The following KCNMA1 variants were observed in gnomAD, a reference collection of about 807,000 sequenced individuals.
The protein encoded by KCNMA1 is Calcium-activated potassium channel subunit alpha-1.
KCNMA1 carries 29 observed loss-of-function variants against 140.0 expected under a neutral mutation model. That is an observed-to-expected ratio of 0.21 (90% CI 0.15 to 0.28). The LOEUF (loss-of-function observed/expected upper bound fraction) is 0.28. KCNMA1 is among the 10% of genes least tolerant of loss of function. The pLI, the probability that KCNMA1 is intolerant of heterozygous loss-of-function variation, is 1.00. For synonymous variants in KCNMA1, 612 were observed against 611.9 expected, an observed-to-expected ratio of 1.00 and a Z score of 0.00; for missense variants, 880 against 1,602.2, an observed-to-expected ratio of 0.55 and a Z score of 7.70.
At chr10:77,183,386 A>T in intron 5 of KCNMA1, 35 bp downstream of exon 5, 1 of 1,415,894 alleles carries the variant, frequency 7.1e-7, no homozygotes, top group African/African-American at 1.4e-5. Context: ...ATGACTCAGG[A>T]ACCAGGAAGG....
At chr10:76,923,362 G>C (rs1357959798) in intron 23 of KCNMA1, among the ~76,000 whole-genome samples, 3 of 151,316 alleles carry the variant, frequency 2.0e-5, no homozygotes, top group Non-Finnish European at 4.4e-5. Flanking sequence ...CCGGGAGGCA[G>C]AGCTTGCAGT....
At chr10:77,251,140 A>T in intron 3 of KCNMA1, 55 bp downstream of exon 3, 1 of 1,363,128 alleles carries the variant, frequency 7.3e-7, no homozygotes, top group Non-Finnish European at 1.1e-6. Context: ...GGATCAATGT[A>T]AAGGCTCATG....
chr10:77,462,906 T>C (rs1388564376), intron 1 of KCNMA1, among the ~76,000 whole-genome samples: 3 of 152,160 alleles, frequency 2.0e-5, no homozygotes, highest in Non-Finnish European at 4.4e-5. Context: ...AGCATCTTGC[T>C]GGCCTCTTGG....
chr10:77,044,024 A>T (rs1330979518), intron 14 of KCNMA1, among the ~76,000 whole-genome samples: 2 of 152,228 alleles, frequency 1.3e-5, no homozygotes, highest in African/African-American at 2.4e-5. Flanking sequence ...AAAGATTTTT[A>T]AAACCCTTAT....
intron 2 of KCNMA1, among the ~76,000 whole-genome samples, chr10:77,337,143 T>C (rs112948659): frequency 0.025 from 3,873 of 152,346 alleles, 155 homozygotes; most frequent in African/African-American, 0.088. Flanking sequence ...GTTTGCTCTG[T>C]GTACCTAGCA....
At chr10:77,578,029 T>G (rs2074761168) in intron 1 of KCNMA1, among the ~76,000 whole-genome samples, 1 of 152,212 alleles carries the variant, frequency 6.6e-6, no homozygotes, top group Non-Finnish European at 1.5e-5. Context: ...GGAGCTAAAT[T>G]AAACTGGTGG....
intron 1 of KCNMA1, among the ~76,000 whole-genome samples, chr10:77,485,992 T>C (rs2098455689): frequency 6.6e-6 from 1 of 152,114 alleles, no homozygotes; most frequent in African/African-American, 2.4e-5. Flanking sequence ...AGCCCTACCC[T>C]GACCTCTGCT....
At chr10:77,550,361 G>A (rs1193312824) in intron 1 of KCNMA1, among the ~76,000 whole-genome samples, 1 of 152,222 alleles carries the variant, frequency 6.6e-6, no homozygotes, top group Non-Finnish European at 1.5e-5. Flanking sequence ...GGGAGGTGCT[G>A]TAGCAGCTGG....
intron 3 of KCNMA1, chr10:77,217,381 T>C (rs2048143641): frequency 2.8e-6 from 1 of 359,202 alleles, no homozygotes; most frequent in Admixed American, 2.9e-5. Flanking sequence ...GCTTTAGAGA[T>C]GTAGATGCCC....
chr10:77,585,261 C>T (rs887590491), intron 1 of KCNMA1, among the ~76,000 whole-genome samples: 6 of 152,154 alleles, frequency 3.9e-5, no homozygotes, highest in African/African-American at 7.2e-5. Context: ...TGAGTCTCAG[C>T]CCCACAACGC....
In KCNMA1 at chr10:77,280,681, C is replaced by T. The variant is rs574178057; in HGVS notation, c.541-29425G>A. ...AGCTGGGACTACAGACAGGCATCAC[C>T]ATGCCTGGCTTTTTTTTTTTTTTTT... On this transcript the variant is annotated intron_variant, in intron 2 of 27. Coordinates refer to ENST00000286628, the MANE Select transcript of KCNMA1 (RefSeq NM_001161352.2). Among the ~76,000 whole-genome samples, 18 of 147,266 alleles carry T rather than the reference C, an allele frequency of 1.2e-4. No individual in the cohort carries two copies. In the South Asian group the frequency reaches 3.8e-3, roughly 31 times the overall value.
At chr10:77,473,736 A>G (rs1168646654) in intron 1 of KCNMA1, among the ~76,000 whole-genome samples, 2 of 152,130 alleles carry the variant, frequency 1.3e-5, no homozygotes, top group African/African-American at 4.8e-5. Flanking sequence ...GACAGAGTGA[A>G]TACACAGCCA....
chr10:77,509,344 C>CA (rs2154548022), intron 1 of KCNMA1, among the ~76,000 whole-genome samples: 1 of 152,246 alleles, frequency 6.6e-6, no homozygotes, highest in Non-Finnish European at 1.5e-5. Flanking sequence ...GTCTCGAACT[C>CA]GTGACCTCAG....
intron 18 of KCNMA1, among the ~76,000 whole-genome samples, chr10:77,010,595 C>T (rs990457175): frequency 1.3e-5 from 2 of 151,960 alleles, no homozygotes; most frequent in African/African-American, 4.8e-5. Context: ...TCCTAAGCTG[C>T]CCCACCCTGA....
At chr10:77,070,035 C>T (rs1384648500) in intron 14 of KCNMA1, among the ~76,000 whole-genome samples, 6 of 152,136 alleles carry the variant, frequency 3.9e-5, no homozygotes, top group Admixed American at 2.0e-4. Flanking sequence ...AGGCTGGTCT[C>T]GAACTCCTGA....
Position 77,226,882 on chromosome 10 carries a change from A to T in KCNMA1, c.602+24313T>A, listed in dbSNP as rs143568770. Among the ~76,000 whole-genome samples, 203 of 152,338 alleles carry T rather than the reference A, an allele frequency of 1.3e-3. 2 individuals are homozygous for T. Among genetic ancestry groups the T allele is most frequent in the African/African-American group, 4.6e-3 (190 of 41,578 alleles). ...ATTTTACTAATAGCCAAAAACCAGA[A>T]GAGTAGTTGTAGGGGTCTTTGAGGG... On this transcript the variant is annotated intron_variant, in intron 3 of 27. Coordinates refer to ENST00000286628, the MANE Select transcript of KCNMA1 (RefSeq NM_001161352.2).
chr10:76,967,087 C>A (rs2074249667), intron 20 of KCNMA1, among the ~76,000 whole-genome samples: 1 of 152,160 alleles, frequency 6.6e-6, no homozygotes. Context: ...AGCCTTCACG[C>A]AGGAGTCTGT....
chr10:77,512,510 A>G (rs61451767), intron 1 of KCNMA1, among the ~76,000 whole-genome samples: 1 of 152,176 alleles, frequency 6.6e-6, no homozygotes, highest in Non-Finnish European at 1.5e-5. Flanking sequence ...GAGAAAACAC[A>G]GTATATACAG....
intron 8 of KCNMA1, among the ~76,000 whole-genome samples, chr10:77,109,064 A>C (rs2097259234): frequency 6.6e-6 from 1 of 152,012 alleles, no homozygotes; most frequent in Admixed American, 6.6e-5. Flanking sequence ...CTATTAAAAA[A>C]AAAAAAACAC....
Sources: allele counts gnomAD v4.1 joint callset (sites outside exome capture counted in the v4.1 genomes callset), GRCh38; gene constraint gnomAD v4.1.1; transcripts MANE v1.5; gene names NCBI Gene and HGNC (gene_info 2026-07-23, HGNC 2026-07-21).